Variants in PLCB4 observed in about 807,000 individuals in gnomAD.
PLCB4 encodes the protein 1-phosphatidylinositol 4,5-bisphosphate phosphodiesterase beta-4.
PLCB4 carries 77 observed loss-of-function variants against 178.8 expected under a neutral mutation model. That is an observed-to-expected ratio of 0.43 (90% CI 0.36 to 0.52). The LOEUF is 0.52. Ranked by LOEUF, PLCB4 falls within the 20% of genes least tolerant of loss-of-function variation. The probability of loss-of-function intolerance (pLI) is 0.00; values close to 1 mark genes in which losing one functional copy is unlikely to be tolerated. For missense variants in PLCB4, 1,024 were observed against 1,453.4 expected (o/e 0.70, Z 4.80); for synonymous variants, 496 against 490.8 (o/e 1.01, Z -0.14).
chr20:9,101,517 G>T (rs2091150902), intron 2 of PLCB4, among the ~76,000 whole-genome samples: 1 of 152,128 alleles, frequency 6.6e-6, no homozygotes, highest in South Asian at 2.1e-4. Flanking sequence ...GCAAGAAAGA[G>T]AAATGAGGTT....
chr20:9,426,412 CTT>C (rs958098891), intron 28 of PLCB4, among the ~76,000 whole-genome samples: 3 of 152,090 alleles, frequency 2.0e-5, no homozygotes, highest in East Asian at 3.9e-4. Flanking sequence ...GAGTTTTGCT[CTT>C]GTCACCCAGG....
At chr20:9,111,881 T>G (rs774527167) in intron 2 of PLCB4, among the ~76,000 whole-genome samples, 4 of 152,188 alleles carry the variant, frequency 2.6e-5, no homozygotes, top group Non-Finnish European at 5.9e-5. Flanking sequence ...CTTCTCAAAG[T>G]ATTTTTTCCA....
chr20:9,203,056 A>ATATATATATATATATATAT (rs1555875421), intron 2 of PLCB4, among the ~76,000 whole-genome samples: 2 of 126,148 alleles, frequency 1.6e-5, no homozygotes, highest in African/African-American at 6.6e-5. Flanking sequence ...AAAAAAAAAA[A>ATATATATATATATATATAT]ATATATATAT....
intron 1 of PLCB4, among the ~76,000 whole-genome samples, chr20:9,079,072 T>C (rs1185087203): frequency 6.6e-6 from 1 of 152,226 alleles, no homozygotes; most frequent in Non-Finnish European, 1.5e-5. Flanking sequence ...TTCCTTGGCA[T>C]TGAAACCTTG....
Position 9,444,043 on chromosome 20 carries a change from G to T in PLCB4, c.2814+13G>T. 6.3e-7 allele frequency: 1 copy of T among 1,589,900 alleles called. No homozygotes were observed. The highest frequency in any genetic ancestry group is 1.1e-5 in the South Asian group (1 of 89,254). On this transcript the variant is annotated intron_variant, in intron 31 of 39. Coordinates refer to ENST00000378473, the MANE Select transcript of PLCB4 (RefSeq NM_001377142.1). ...AAAGCAGATGAAGGTAAAATTGCTT[G>T]ACTATTTTGCAAGCACTCTTGTATT...
intron 33 of PLCB4, among the ~76,000 whole-genome samples, chr20:9,453,839 A>G (rs1433450531): frequency 6.6e-6 from 1 of 152,230 alleles, no homozygotes; most frequent in African/African-American, 2.4e-5. Context: ...TTTCCAAAAT[A>G]CTACAGAGTT....
chr20:9,408,676 C>G lies in PLCB4; in HGVS notation c.1833C>G (p.Val611=). ...ACATGTCTTCTTTTAATGAATCAGT[C>G]GGTCTTGGCTACTTGAAGACACATG... The part of the protein sequence containing the change: ...HYNMSSFNES[V]GLGYLKTHAI... The change falls in exon 23 of 40, where the codon GTC becomes GTG. Residue 611 remains valine (V), a synonymous_variant. Transcript: ENST00000378473. The G allele has an allele frequency of 1.9e-6, 3 of 1,591,244 alleles. No individual in the cohort carries two copies. The highest frequency in any genetic ancestry group is 2.6e-6 in the Non-Finnish European group (3 of 1,159,576).
At chr20:9,416,807 C>T (rs1444154096) in intron 25 of PLCB4, among the ~76,000 whole-genome samples, 1 of 152,108 alleles carries the variant, frequency 6.6e-6, no homozygotes, top group East Asian at 1.9e-4. Context: ...TGTCTATATT[C>T]TTGATAAAAA....
At chr20:9,135,491 C>G (rs867366506) in intron 2 of PLCB4, among the ~76,000 whole-genome samples, 1 of 152,024 alleles carries the variant, frequency 6.6e-6, no homozygotes, top group South Asian at 2.1e-4. Flanking sequence ...TACAGCAGAG[C>G]CAGAACTACA....
chr20:9,371,288 G>A lies in PLCB4; in HGVS notation c.578G>A (p.Ser193Asn), dbSNP rs753207913. Residue 193 changes from serine to asparagine, a missense_variant, in exon 10 of 40, where the codon AGT becomes AAT. Around this residue, in one of 7 missense-constraint regions of PLCB4, gnomAD observed 225 missense variants for 291.0 expected, o/e 0.77. Transcript: ENST00000378473. The part of the protein sequence containing the change: ...FQALKELGLP[S>N]GKNDEIEPTA... ...GCACTCAAGGAGTTAGGTCTTCCCA[G>A]TGGAAAGGTATGCATTAACTTAATA... 2 of 1,581,426 alleles carry A rather than the reference G, an allele frequency of 1.3e-6. No homozygotes were observed. The highest frequency in any genetic ancestry group is 4.5e-5 in the East Asian group (2 of 44,706).
At chr20:9,216,987 T>G (rs988472200) in intron 2 of PLCB4, among the ~76,000 whole-genome samples, 2 of 152,246 alleles carry the variant, frequency 1.3e-5, no homozygotes, top group African/African-American at 2.4e-5. Context: ...CAAATAGATG[T>G]AATTCTGTTA....
chr20:9,326,856 A>ATGC (rs1165248969), intron 4 of PLCB4, among the ~76,000 whole-genome samples: 1 of 152,144 alleles, frequency 6.6e-6, no homozygotes, highest in East Asian at 1.9e-4. Flanking sequence ...GGTTTCCCTT[A>ATGC]TGCTTAGCTT....
intron 28 of PLCB4, among the ~76,000 whole-genome samples, chr20:9,432,581 G>A (rs1295864675): frequency 1.3e-5 from 2 of 152,204 alleles, no homozygotes; most frequent in Admixed American, 1.3e-4. Flanking sequence ...ATGGATACAA[G>A]TTAAACCTCA....
At chr20:9,447,380 C>T (rs1379263131) in intron 32 of PLCB4, among the ~76,000 whole-genome samples, 1 of 152,142 alleles carries the variant, frequency 6.6e-6, no homozygotes, top group East Asian at 1.9e-4. Context: ...TTTAGGTCAG[C>T]CTCTGTTAAA....
At chr20:9,476,358 C>T (rs535661087) in intron 38 of PLCB4, among the ~76,000 whole-genome samples, 13 of 152,244 alleles carry the variant, frequency 8.5e-5, no homozygotes, top group Admixed American at 4.6e-4. Flanking sequence ...CAAACATTAA[C>T]GACTCCATTA....
intron 2 of PLCB4, among the ~76,000 whole-genome samples, chr20:9,099,776 C>T (rs188660560): frequency 2.0e-5 from 3 of 152,160 alleles, no homozygotes; most frequent in African/African-American, 4.8e-5. Flanking sequence ...TTAGTGAATG[C>T]GTGGAAAAGA....
intron 28 of PLCB4, among the ~76,000 whole-genome samples, chr20:9,424,960 T>C (rs1476051003): frequency 6.6e-6 from 1 of 152,076 alleles, no homozygotes; most frequent in Non-Finnish European, 1.5e-5. Context: ...ACCAGTCTAA[T>C]ATCAGAGTCA....
chr20:9,073,925 G>T (rs2089698245), intron 1 of PLCB4, among the ~76,000 whole-genome samples: 1 of 152,042 alleles, frequency 6.6e-6, no homozygotes, highest in South Asian at 2.1e-4. Flanking sequence ...GCTGAAAAGG[G>T]TCTTTAAGAT....
intron 13 of PLCB4, 104 bp from the exon 14 acceptor site, chr20:9,384,097 C>A (rs537436342): frequency 1.4e-5 from 11 of 813,788 alleles, no homozygotes; most frequent in Non-Finnish European, 2.3e-5. Context: ...ACTGTGAAGA[C>A]GTTTTTACTC....
Sources: allele counts gnomAD v4.1 joint callset (sites outside exome capture counted in the v4.1 genomes callset), GRCh38; gene constraint gnomAD v4.1.1; regional missense constraint gnomAD v4.1.1; transcripts MANE v1.5; gene names NCBI Gene and HGNC (gene_info 2026-07-23, HGNC 2026-07-21).